LRPPRC: variants seen among roughly 807,000 people sequenced by gnomAD.
LRPPRC encodes leucine-rich PPR motif-containing protein, mitochondrial.
Under a neutral mutation model 180.3 loss-of-function variants are expected in LRPPRC, and 120 were observed. That is an observed-to-expected ratio of 0.67 (90% CI 0.57 to 0.77). The LOEUF is 0.77. Among genes scored for constraint, LRPPRC ranks in the 30% least tolerant of loss-of-function variants. LRPPRC has a pLI of 0.00. For synonymous variants in LRPPRC, 723 were observed against 600.0 expected (o/e 1.21, Z -3.00); for missense variants, 2,012 against 1,657.2 (o/e 1.21, Z -3.72).
In LRPPRC at chr2:43,888,230, G is replaced by T. The variant is rs975819895; in HGVS notation, c.*370C>A. On this transcript the variant is annotated 3_prime_UTR_variant, in exon 38 of 38. Transcript: ENST00000260665. ...AGAAAGTTCACGGTCACTATACCTA[G>T]CTCTAAAATTTTTCAGAGAAACAGC... 1.1e-5 allele frequency: 3 copies of T among 272,248 alleles called. No individual in the cohort carries two copies. Among genetic ancestry groups the T allele is most frequent in the African/African-American group, 6.8e-5 (3 of 44,390 alleles). 16.9% of individuals were successfully genotyped at this position (272,248 alleles called of 1,614,324 possible).
intron 23 of LRPPRC, among the ~76,000 whole-genome samples, chr2:43,941,618 T>C (rs1558978647): frequency 6.6e-6 from 1 of 152,226 alleles, no homozygotes; most frequent in East Asian, 1.9e-4. Context: ...TTCCATCAGT[T>C]GGAGAAAACA....
intron 14 of LRPPRC, among the ~76,000 whole-genome samples, chr2:43,955,438 C>G (rs1409019237): frequency 7.0e-6 from 1 of 143,752 alleles, no homozygotes; most frequent in Middle Eastern, 3.4e-3. Context: ...CACTGCACTG[C>G]AGCCTGGGTG....
chr2:43,928,613 A>T (rs909267779), intron 25 of LRPPRC, among the ~76,000 whole-genome samples: 1 of 152,084 alleles, frequency 6.6e-6, no homozygotes, highest in Non-Finnish European at 1.5e-5. Context: ...ATGCTGGAGA[A>T]GGTGGTATGC....
intron 25 of LRPPRC, among the ~76,000 whole-genome samples, chr2:43,928,109 G>A (rs903776492): frequency 6.6e-6 from 1 of 152,206 alleles, no homozygotes; most frequent in Non-Finnish European, 1.5e-5. Context: ...TGAGGATACA[G>A]TAAGTATTTT....
intron 13 of LRPPRC, among the ~76,000 whole-genome samples, chr2:43,959,548 C>CA (rs1227305312): frequency 6.6e-6 from 1 of 152,086 alleles, no homozygotes; most frequent in Non-Finnish European, 1.5e-5. Flanking sequence ...GAAAAACTGT[C>CA]AAGCAACACC....
At chr2:43,973,947 C>T in intron 9 of LRPPRC, 47 bp from the exon 10 acceptor site, 1 of 1,207,020 alleles carries the variant, frequency 8.3e-7, no homozygotes, top group South Asian at 1.2e-5. Flanking sequence ...AAACACCCCA[C>T]CGTTTGACCT....
intron 12 of LRPPRC, among the ~76,000 whole-genome samples, chr2:43,963,075 G>C (rs975650615): frequency 1.3e-5 from 2 of 152,182 alleles, no homozygotes; most frequent in African/African-American, 4.8e-5. Flanking sequence ...GAAAAAAGCT[G>C]CTTTGTCTTT....
chr2:43,981,479 T>C (rs942538691), intron 2 of LRPPRC, among the ~76,000 whole-genome samples: 6 of 151,970 alleles, frequency 3.9e-5, no homozygotes, highest in Admixed American at 3.3e-4. Context: ...GCCAACATGG[T>C]GAAACCCCGT....
At chr2:43,975,001 G>A in intron 7 of LRPPRC, 90 bp downstream of exon 7, 1 of 1,323,212 alleles carries the variant, frequency 7.6e-7, no homozygotes, top group Non-Finnish European at 1.1e-6. Flanking sequence ...TTGAAAACAG[G>A]TATAAACTTC....
chr2:43,952,085 C>G (rs1672928400), intron 14 of LRPPRC, among the ~76,000 whole-genome samples: 1 of 151,876 alleles, frequency 6.6e-6, no homozygotes, highest in African/African-American at 2.4e-5. Flanking sequence ...CCCAGCTACT[C>G]AGGAGGCTGA....
At chr2:43,974,834 A>C in intron 7 of LRPPRC, 76 bp from the exon 8 acceptor site, 1 of 1,451,690 alleles carries the variant, frequency 6.9e-7, no homozygotes, top group Non-Finnish European at 9.6e-7. Context: ...TAAAATATCC[A>C]GATTCAAAAA....
chr2:43,962,061 T>C (rs987453803), intron 12 of LRPPRC, among the ~76,000 whole-genome samples: 1 of 152,138 alleles, frequency 6.6e-6, no homozygotes, highest in South Asian at 2.1e-4. Context: ...CTACTGAAAT[T>C]CCAGCAATGA....
At chr2:43,894,021 C>T (rs1470263213) in intron 36 of LRPPRC, among the ~76,000 whole-genome samples, 1 of 152,038 alleles carries the variant, frequency 6.6e-6, no homozygotes, top group Non-Finnish European at 1.5e-5. Flanking sequence ...GATTGTCTGG[C>T]AATCAGGGAA....
chr2:43,966,376 T>G (rs555139179), intron 11 of LRPPRC, among the ~76,000 whole-genome samples: 1 of 152,162 alleles, frequency 6.6e-6, no homozygotes, highest in African/African-American at 2.4e-5. Context: ...TACTTGATAT[T>G]TGCTGAGAGA....
At chr2:43,927,662 A>G (rs1168145818) in intron 25 of LRPPRC, among the ~76,000 whole-genome samples, 1 of 152,224 alleles carries the variant, frequency 6.6e-6, no homozygotes, top group African/African-American at 2.4e-5. Context: ...GTCACTTACA[A>G]CTTTCAATAT....
chr2:43,925,982 A>T (rs1224639455), intron 25 of LRPPRC, 21 bp from the exon 26 acceptor site: 1 of 1,430,378 alleles, frequency 7.0e-7, no homozygotes, highest in South Asian at 1.1e-5. Flanking sequence ...AAATAATCAC[A>T]TAGCACCCAA....
intron 12 of LRPPRC, among the ~76,000 whole-genome samples, chr2:43,963,347 G>C (rs1019664980): frequency 6.6e-6 from 1 of 152,220 alleles, no homozygotes; most frequent in South Asian, 2.1e-4. Context: ...GGGAGGCTGA[G>C]GCAGAAGAAT....
At position 43,925,954 on chromosome 2, in the gene LRPPRC, C is replaced by A; in HGVS notation, c.2744G>T (p.Gly915Val). 6.2e-7 allele frequency: 1 copy of A among 1,602,324 alleles called. No individual in the cohort carries two copies. ...KEAKKIIETP[G>V]IRARSARLQW... ...AAGCCTTGCAGATCGAGCTCTAATC[C>A]CTGGAGTCTGTAAAATAAAATAATC... is the stretch of plus-strand genomic sequence containing the variant. Residue 915 changes from glycine (G) to valine (V), a missense_variant, in exon 26 of 38, where the codon GGG becomes GTG. Transcript: ENST00000260665.
intron 14 of LRPPRC, among the ~76,000 whole-genome samples, chr2:43,953,357 T>A (rs547343588): frequency 7.2e-5 from 11 of 152,306 alleles, no homozygotes; most frequent in Admixed American, 2.0e-4. Flanking sequence ...ATAAGAAAAA[T>A]TAACCAATGG....
Sources: allele counts gnomAD v4.1 joint callset (sites outside exome capture counted in the v4.1 genomes callset), GRCh38; gene constraint gnomAD v4.1.1; transcripts MANE v1.5; gene names NCBI Gene and HGNC (gene_info 2026-07-23, HGNC 2026-07-21).